STPG2: variants seen among roughly 807,000 people sequenced by gnomAD.
STPG2 encodes sperm-tail PG-rich repeat-containing protein 2.
Under a neutral mutation model 54.2 loss-of-function variants are expected in STPG2, and 56 were observed. That is an observed-to-expected ratio of 1.03 (90% CI 0.83 to 1.29). The LOEUF is 1.29. Ranked by LOEUF, STPG2 falls within the 50% of genes most tolerant of loss-of-function variation. STPG2 has a pLI of 0.00. For missense variants in STPG2, 596 were observed against 544.9 expected (o/e 1.09, Z -0.93); for synonymous variants, 200 against 181.8 (o/e 1.10, Z -0.81).
At chr4:97,517,111 T>G (rs1731090912) in intron 4 of STPG2, among the ~76,000 whole-genome samples, 1 of 151,934 alleles carries the variant, frequency 6.6e-6, no homozygotes, top group Admixed American at 6.6e-5. Context: ...TTTCACCATG[T>G]TGGCCAGAAT....
intron 10 of STPG2, among the ~76,000 whole-genome samples, chr4:97,665,467 C>A (rs1007192384): frequency 2.0e-5 from 3 of 152,174 alleles, no homozygotes; most frequent in Non-Finnish European, 4.4e-5. Flanking sequence ...TAGCTCCCCT[C>A]TGCAGCTGGT....
chr4:98,114,674 A>T (rs1373604947), intron 3 of STPG2, among the ~76,000 whole-genome samples: 3 of 151,942 alleles, frequency 2.0e-5, no homozygotes, highest in Non-Finnish European at 4.4e-5. Flanking sequence ...CACAATTCTA[A>T]TAGTAATCCA....
intron 10 of STPG2, among the ~76,000 whole-genome samples, chr4:97,634,858 G>A (rs956947453): frequency 2.3e-3 from 346 of 150,750 alleles, no homozygotes; most frequent in African/African-American, 4.7e-3. Flanking sequence ...CCAAATCTAC[G>A]TCTGATTGGT....
rs112668191 is a variant in STPG2, at chr4:97,581,472, G to A, written c.1321-22355C>T. On this transcript the variant is annotated intron_variant, in intron 10 of 10. Coordinates refer to ENST00000295268, the MANE Select transcript of STPG2 (RefSeq NM_174952.3). The stretch of plus-strand genomic sequence containing the variant: ...CAGAAATCATTTAAAAGCAGATTAG[G>A]CAGTGTAAGTTTAGATTAATTTATA... Among the ~76,000 whole-genome samples the A allele has an allele frequency of 5.2e-3, 788 of 152,156 alleles. 6 individuals are homozygous for A. Among genetic ancestry groups the A allele is most frequent in the Middle Eastern group, 0.02 (6 of 294 alleles).
At chr4:97,571,392 G>T (rs1320867241) in intron 10 of STPG2, among the ~76,000 whole-genome samples, 1 of 152,052 alleles carries the variant, frequency 6.6e-6, no homozygotes, top group Non-Finnish European at 1.5e-5. Flanking sequence ...AAGGGAAGTG[G>T]AGGTCGAACG....
intron 9 of STPG2, among the ~76,000 whole-genome samples, chr4:97,754,129 G>A (rs1240374887): frequency 6.6e-6 from 1 of 151,960 alleles, no homozygotes; most frequent in Non-Finnish European, 1.5e-5. Flanking sequence ...TTTATAGGAG[G>A]CCATTGGTTT....
intron 8 of STPG2, among the ~76,000 whole-genome samples, chr4:97,924,029 C>G (rs1732236746): frequency 1.3e-5 from 2 of 152,290 alleles, no homozygotes; most frequent in Non-Finnish European, 2.9e-5. Context: ...AAGCTTTGTT[C>G]TTTCACTCTT....
chr4:97,616,909 G>A (rs957536563), intron 10 of STPG2, among the ~76,000 whole-genome samples: 2 of 151,966 alleles, frequency 1.3e-5, no homozygotes, highest in African/African-American at 4.8e-5. Flanking sequence ...AAGAAAGGGG[G>A]CATATTATTT....
intron 10 of STPG2, among the ~76,000 whole-genome samples, chr4:97,700,305 G>A (rs1351282890): frequency 1.3e-5 from 2 of 152,126 alleles, no homozygotes; most frequent in East Asian, 3.9e-4. Flanking sequence ...CTCCTGTACT[G>A]GACTCCACTC....
In STPG2 at chr4:97,899,018, G is replaced by A. The variant is rs150140626; in HGVS notation, c.1044+44879C>T. Among the ~76,000 whole-genome samples the A allele has an allele frequency of 2.7e-3, 404 of 151,792 alleles. 3 individuals carry two copies. Among genetic ancestry groups the A allele is most frequent in the African/African-American group, 9.1e-3 (378 of 41,496 alleles). On this transcript the variant is annotated intron_variant, in intron 8 of 10. Transcript: ENST00000295268. ...ATAAAGGGCATCCAAAAGGAACAGA[G>A]AGGAAGTCAAACTATCTCTGTTTGC...
intron 5 of STPG2, among the ~76,000 whole-genome samples, chr4:98,010,299 T>C (rs1487187108): frequency 1.3e-5 from 2 of 152,144 alleles, no homozygotes; most frequent in Non-Finnish European, 2.9e-5. Flanking sequence ...TATTTCCATT[T>C]TCATTTGTTT....
intron 9 of STPG2, among the ~76,000 whole-genome samples, chr4:97,805,080 A>G (rs1033766114): frequency 2.0e-5 from 3 of 152,116 alleles, no homozygotes; most frequent in Non-Finnish European, 4.4e-5. Context: ...GTTCCTGAAA[A>G]TCTCTGTATT....
chr4:97,904,341 C>A (rs901489002), intron 8 of STPG2, among the ~76,000 whole-genome samples: 8 of 152,228 alleles, frequency 5.3e-5, no homozygotes, highest in Non-Finnish European at 2.9e-5. Context: ...CAGGGGCAGA[C>A]TGACACCTCA....
intron 8 of STPG2, among the ~76,000 whole-genome samples, chr4:97,937,844 G>A (rs1229738491): frequency 6.6e-6 from 1 of 152,120 alleles, no homozygotes; most frequent in African/African-American, 2.4e-5. Context: ...CCCCTGTTGG[G>A]GGCTGCTGCA....
At chr4:97,629,913 T>C (rs140072647) in intron 10 of STPG2, among the ~76,000 whole-genome samples, 7 of 152,096 alleles carry the variant, frequency 4.6e-5, no homozygotes, top group East Asian at 1.9e-4. Context: ...GAAAGCTCCA[T>C]GTGAAACTGA....
chr4:97,658,411 T>C (rs980335081), intron 10 of STPG2, among the ~76,000 whole-genome samples: 1 of 152,178 alleles, frequency 6.6e-6, no homozygotes, highest in African/African-American at 2.4e-5. Flanking sequence ...ATGCAGAAAA[T>C]ACGTCATACT....
intron 9 of STPG2, among the ~76,000 whole-genome samples, chr4:97,743,623 G>C (rs145014955): frequency 1.3e-5 from 2 of 151,710 alleles, no homozygotes; most frequent in African/African-American, 4.8e-5. Flanking sequence ...AATTTATTTA[G>C]CATCTTTGTG....
chr4:97,814,504 T>C (rs1054448657), intron 9 of STPG2, among the ~76,000 whole-genome samples: 2 of 152,122 alleles, frequency 1.3e-5, no homozygotes, highest in African/African-American at 4.8e-5. Flanking sequence ...AATTTTTTTA[T>C]TTTTATTATG....
intron 9 of STPG2, among the ~76,000 whole-genome samples, chr4:97,730,878 T>C (rs1724775047): frequency 6.6e-6 from 1 of 152,248 alleles, no homozygotes; most frequent in Admixed American, 6.5e-5. Flanking sequence ...TGCTTCTTTC[T>C]TAAAATGGCT....
Sources: gnomAD v4.1 joint callset for allele counts (sites outside exome capture counted in the v4.1 genomes callset) on GRCh38, gnomAD v4.1.1 for gene constraint, MANE v1.5 for transcripts, NCBI Gene and HGNC (gene_info 2026-07-23, HGNC 2026-07-21) for gene names.